Variants in MDGA2 observed in about 807,000 individuals in gnomAD.
The protein encoded by MDGA2 is MAM domain containing glycosylphosphatidylinositol anchor 2.
MDGA2 carries 40 observed loss-of-function variants against 117.8 expected under a neutral mutation model. The observed-to-expected ratio is 0.34, with a 90% CI of 0.26 to 0.44. The LOEUF is 0.44. Ranked by LOEUF, MDGA2 falls within the 20% of genes least tolerant of loss-of-function variation. MDGA2 has a pLI of 1.00. For synonymous variants in MDGA2, 452 were observed against 439.0 expected (o/e 1.03, Z -0.37); for missense variants, 1,123 against 1,250.6 (o/e 0.90, Z 1.54).
chr14:47,313,727 T>C (rs530046844), intron 1 of MDGA2, among the ~76,000 whole-genome samples: 2 of 152,294 alleles, frequency 1.3e-5, no homozygotes, highest in South Asian at 4.1e-4. Context: ...ATAAGTAAAA[T>C]AATGAATTGG....
chr14:47,155,882 CTTCTTCTTTTTTTTTTTTTTT>C (rs1883351906), intron 3 of MDGA2, among the ~76,000 whole-genome samples: 7 of 38,816 alleles, frequency 1.8e-4, no homozygotes, highest in Admixed American at 3.5e-4. Context: ...TTTTCTTCTT[CTTCTTCTTTTTTTTTTTTTTT>C]TTTTTTTTTT....
chr14:47,587,247 C>G (rs1245301599), intron 1 of MDGA2, among the ~76,000 whole-genome samples: 2 of 151,762 alleles, frequency 1.3e-5, no homozygotes, highest in African/African-American at 4.8e-5. Flanking sequence ...CGACCCATTT[C>G]ACAAGTTTAC....
At chr14:47,171,933 A>T (rs1484599375) in intron 3 of MDGA2, among the ~76,000 whole-genome samples, 2 of 152,174 alleles carry the variant, frequency 1.3e-5, no homozygotes, top group Admixed American at 6.5e-5. Context: ...ATATCGGGTC[A>T]TTCCCACCCT....
At chr14:47,503,845 T>A in intron 1 of MDGA2, among the ~76,000 whole-genome samples, 1 of 152,202 alleles carries the variant, frequency 6.6e-6, no homozygotes, top group East Asian at 1.9e-4. Context: ...TGACATTTAC[T>A]TTCTCCTTTT....
At chr14:47,351,036 C>T (rs917166028) in intron 1 of MDGA2, among the ~76,000 whole-genome samples, 4 of 151,500 alleles carry the variant, frequency 2.6e-5, no homozygotes, top group Non-Finnish European at 4.4e-5. Context: ...CTCAGCCTCC[C>T]GAGTAGCTGG....
intron 2 of MDGA2, among the ~76,000 whole-genome samples, chr14:47,294,362 T>A (rs920799694): frequency 1.3e-5 from 2 of 152,098 alleles, no homozygotes; most frequent in African/African-American, 4.8e-5. Flanking sequence ...CCTCCCAAAG[T>A]CCTGGGATTA....
rs185882961 is a variant in MDGA2, at chr14:47,127,441, A to G, written c.925+4273T>C. Among the ~76,000 whole-genome samples the G allele has an allele frequency of 3.5e-4, 53 of 152,234 alleles. No individual in the cohort carries two copies. In the East Asian group the frequency reaches 0.01, roughly 29 times the overall value. On this transcript the variant is annotated intron_variant, in intron 5 of 16. Transcript: ENST00000399232. ...TTGAAATTCACAAACCCTTCCAACTATGAGCACCACCAGATGGAAAAATTT... is the reference window on the plus strand; with the variant it reads ...TTGAAATTCACAAACCCTTCCAACTGTGAGCACCACCAGATGGAAAAATTT...
In MDGA2 at chr14:47,338,825, G is replaced by C. The variant is rs140401885; in HGVS notation, c.281-37275C>G. The stretch of plus-strand genomic sequence containing the variant: ...TCAACTCTGAAATATTTGCAAGTAT[G>C]TCAAACCCAGTAGTGAATATTTTCA... On this transcript the variant is annotated intron_variant, in intron 1 of 16. Coordinates refer to ENST00000399232, the MANE Select transcript of MDGA2 (RefSeq NM_001113498.3). 6.2e-3 allele frequency among the ~76,000 whole-genome samples: 938 copies of C among 152,182 alleles called. 6 individuals are homozygous for C. The highest frequency in any genetic ancestry group is 0.017 in the Middle Eastern group (5 of 294).
chr14:46,946,431 G>A (rs1042665615), intron 9 of MDGA2, among the ~76,000 whole-genome samples: 8 of 152,050 alleles, frequency 5.3e-5, no homozygotes, highest in African/African-American at 1.9e-4. Context: ...TCTGTACTTT[G>A]AAATGAATGA....
intron 2 of MDGA2, among the ~76,000 whole-genome samples, chr14:47,239,221 T>TC (rs1886962410): frequency 1.6e-5 from 2 of 124,754 alleles, no homozygotes; most frequent in Admixed American, 1.9e-4. Flanking sequence ...TCAAAATTTA[T>TC]TAAAAAAAAA....
chr14:46,977,577 T>G (rs1399499271), intron 8 of MDGA2, among the ~76,000 whole-genome samples: 2 of 151,942 alleles, frequency 1.3e-5, no homozygotes, highest in Non-Finnish European at 2.9e-5. Flanking sequence ...AGTTAAAATG[T>G]TGCCGTTTGC....
At chr14:46,938,603 G>T (rs1385935816) in intron 9 of MDGA2, among the ~76,000 whole-genome samples, 1 of 136,330 alleles carries the variant, frequency 7.3e-6, no homozygotes, top group African/African-American at 2.7e-5. Flanking sequence ...TTATGAAAAA[G>T]CCAAAATATG....
chr14:47,526,174 G>A lies in MDGA2; in HGVS notation c.280+148343C>T, dbSNP rs150702098. On this transcript the variant is annotated intron_variant, in intron 1 of 16. Transcript: ENST00000399232. Reference sequence around the variant, plus strand: ...TTGAAAATATTAATCATACTTAGGCGTTCCTGATAACTCCAAAATCTAAAT... The same window carrying A: ...TTGAAAATATTAATCATACTTAGGCATTCCTGATAACTCCAAAATCTAAAT... 4.7e-3 allele frequency among the ~76,000 whole-genome samples: 709 copies of A among 151,858 alleles called. 5 individuals carry two copies. Among genetic ancestry groups the A allele is most frequent in the African/African-American group, 0.016 (654 of 41,402 alleles).
intron 3 of MDGA2, among the ~76,000 whole-genome samples, chr14:47,199,254 A>G (rs907780229): frequency 6.6e-6 from 1 of 151,958 alleles, no homozygotes; most frequent in Admixed American, 6.6e-5. Flanking sequence ...TTCACATCTG[A>G]TTTTTTAAAT....
At chr14:47,314,734 A>T (rs1003200255) in intron 1 of MDGA2, among the ~76,000 whole-genome samples, 1 of 152,152 alleles carries the variant, frequency 6.6e-6, no homozygotes, top group African/African-American at 2.4e-5. Context: ...GAACAAGTAT[A>T]ATCATTAAAG....
chr14:47,419,098 T>C (rs1387925949), intron 1 of MDGA2, among the ~76,000 whole-genome samples: 1 of 152,210 alleles, frequency 6.6e-6, no homozygotes, highest in African/African-American at 2.4e-5. Context: ...CACACTGTTA[T>C]ATCAGTTATC....
intron 3 of MDGA2, among the ~76,000 whole-genome samples, chr14:47,178,527 T>C (rs986225070): frequency 1.3e-5 from 2 of 152,206 alleles, no homozygotes; most frequent in African/African-American, 4.8e-5. Flanking sequence ...CAAAATGCAT[T>C]GTTCAGTTAA....
chr14:46,970,589 C>A (rs1273755285), intron 8 of MDGA2, among the ~76,000 whole-genome samples: 1 of 152,022 alleles, frequency 6.6e-6, no homozygotes, highest in Non-Finnish European at 1.5e-5. Context: ...ACTATAAAGC[C>A]AACTAGAAAA....
intron 1 of MDGA2, among the ~76,000 whole-genome samples, chr14:47,605,594 C>T (rs977169895): frequency 1.3e-5 from 2 of 151,804 alleles, no homozygotes; most frequent in African/African-American, 4.8e-5. Flanking sequence ...AAAATTAAGG[C>T]AATGCCCAAT....
Sources: allele counts gnomAD v4.1 joint callset (sites outside exome capture counted in the v4.1 genomes callset), GRCh38; gene constraint gnomAD v4.1.1; transcripts MANE v1.5; gene names NCBI Gene and HGNC (gene_info 2026-07-23, HGNC 2026-07-21).